Variants in FSTL5 observed in about 807,000 individuals in gnomAD.
The protein encoded by FSTL5 is follistatin-related protein 5.
In FSTL5, 62 loss-of-function variants were observed where a neutral mutation model predicts 89.1. The observed-to-expected ratio is 0.70, with a 90% confidence interval of 0.57 to 0.86. The LOEUF is 0.86. Ranked by LOEUF, FSTL5 falls within the 40% of genes least tolerant of loss-of-function variation. FSTL5 has a pLI of 0.00. For missense variants in FSTL5, 1,057 were observed against 1,001.6 expected (o/e 1.06, Z -0.75); for synonymous variants, 383 against 346.2 (o/e 1.11, Z -1.18).
In FSTL5 at chr4:161,529,464, A is replaced by G. The variant is rs904399703; in HGVS notation, c.1312+8702T>C. Among the ~76,000 whole-genome samples, 6 of 142,430 alleles carry G rather than the reference A, an allele frequency of 4.2e-5. 2 individuals are homozygous for G. The highest frequency in any genetic ancestry group is 1.0e-4 in the African/African-American group (4 of 39,998). The allele number at this position is 142,430 out of a possible 152,430, so 93.4% of individuals were successfully genotyped here. On this transcript the variant is annotated intron_variant, in intron 10 of 15. Transcript: ENST00000306100. The stretch of plus-strand genomic sequence containing the variant: ...ATAAAATAATAAATGCTTATCAAGC[A>G]TGGTTAACTTCGACATGACTCTTCA...
At chr4:161,528,878 A>G (rs1157049805) in intron 10 of FSTL5, among the ~76,000 whole-genome samples, 1 of 143,236 alleles carries the variant, frequency 7.0e-6, no homozygotes, top group African/African-American at 2.5e-5. Context: ...TTTTAAGTTC[A>G]ATAGAGACTG....
chr4:161,908,605 T>C (rs1041362794), intron 4 of FSTL5, among the ~76,000 whole-genome samples: 2 of 152,112 alleles, frequency 1.3e-5, no homozygotes, highest in Non-Finnish European at 2.9e-5. Flanking sequence ...ACCCTACAAA[T>C]ATCACATTGG....
At chr4:161,599,393 G>A (rs1040100886) in intron 7 of FSTL5, among the ~76,000 whole-genome samples, 1 of 152,002 alleles carries the variant, frequency 6.6e-6, no homozygotes, top group Non-Finnish European at 1.5e-5. Context: ...ACTCAAATAT[G>A]AGCATATTCT....
At chr4:161,896,821 A>C (rs2110774915) in intron 4 of FSTL5, among the ~76,000 whole-genome samples, 1 of 152,330 alleles carries the variant, frequency 6.6e-6, no homozygotes, top group South Asian at 2.1e-4. Context: ...CTACATTTTT[A>C]ATTCCCTTTT....
chr4:161,545,142 A>G (rs560276647), intron 8 of FSTL5, among the ~76,000 whole-genome samples: 62 of 152,112 alleles, frequency 4.1e-4, no homozygotes, highest in African/African-American at 1.2e-3. Context: ...TACAGAAAGC[A>G]TTTTCAGAAA....
At chr4:161,992,654 T>C (rs1448100976) in intron 3 of FSTL5, among the ~76,000 whole-genome samples, 2 of 150,830 alleles carry the variant, frequency 1.3e-5, no homozygotes, top group African/African-American at 2.4e-5. Flanking sequence ...ACCAGCCTAA[T>C]CAACATGGCG....
intron 2 of FSTL5, among the ~76,000 whole-genome samples, chr4:162,050,600 T>C (rs1178761246): frequency 6.6e-6 from 1 of 150,580 alleles, no homozygotes; most frequent in Non-Finnish European, 1.5e-5. Context: ...AAAAAGACTT[T>C]ATTAAAAAAA....
chr4:161,835,611 AAAAC>A (rs1475509719), intron 4 of FSTL5, among the ~76,000 whole-genome samples: 1 of 151,928 alleles, frequency 6.6e-6, no homozygotes, highest in Admixed American at 6.6e-5. Context: ...TTACAAGAAA[AAAAC>A]AAACAACCCC....
At chr4:162,116,747 G>A (rs148104152) in intron 1 of FSTL5, among the ~76,000 whole-genome samples, 207 of 152,268 alleles carry the variant, frequency 1.4e-3, no homozygotes, top group African/African-American at 4.7e-3. Flanking sequence ...AAAAGAGCCC[G>A]CGAGGCTTCA....
At chr4:161,866,282 A>G (rs1732085594) in intron 4 of FSTL5, among the ~76,000 whole-genome samples, 2 of 152,140 alleles carry the variant, frequency 1.3e-5, no homozygotes, top group Admixed American at 1.3e-4. Context: ...GTCTCTTCAG[A>G]AAAACTCTTT....
intron 1 of FSTL5, among the ~76,000 whole-genome samples, chr4:162,123,702 C>A (rs1453459283): frequency 6.6e-6 from 1 of 152,068 alleles, no homozygotes; most frequent in Non-Finnish European, 1.5e-5. Context: ...TCAATCATAG[C>A]CAGTGGTCAG....
chr4:161,538,451 C>A, intron 9 of FSTL5, 151 bp from the exon 10 acceptor site: 1 of 797,838 alleles, frequency 1.3e-6, no homozygotes, highest in Non-Finnish European at 2.0e-6. Context: ...CCAAATTATT[C>A]CAGAAGCATT....
chr4:162,024,566 AGCAG>A, intron 3 of FSTL5, among the ~76,000 whole-genome samples: 1 of 152,216 alleles, frequency 6.6e-6, no homozygotes, highest in Non-Finnish European at 1.5e-5. Context: ...TTCTAAATGT[AGCAG>A]TAGTTAACTA....
chr4:161,493,503 T>A (rs1158872289), intron 12 of FSTL5, among the ~76,000 whole-genome samples: 1 of 151,926 alleles, frequency 6.6e-6, no homozygotes, highest in Non-Finnish European at 1.5e-5. Context: ...AGATAGGTAC[T>A]TTTTTGTGTT....
At chr4:161,495,871 C>T (rs1730051533) in intron 12 of FSTL5, among the ~76,000 whole-genome samples, 2 of 152,070 alleles carry the variant, frequency 1.3e-5, no homozygotes, top group Non-Finnish European at 2.9e-5. Flanking sequence ...AATCTGTCTT[C>T]TAAAATGAAA....
chr4:161,653,305 C>T (rs1006589276), intron 7 of FSTL5, among the ~76,000 whole-genome samples: 6 of 152,178 alleles, frequency 3.9e-5, no homozygotes, highest in Admixed American at 1.3e-4. Context: ...CTTTTGTCAC[C>T]GTTGTCTTTG....
At chr4:161,775,779 C>T (rs917050585) in intron 5 of FSTL5, 99 bp downstream of exon 5, 13 of 603,100 alleles carry the variant, frequency 2.2e-5, no homozygotes, top group Non-Finnish European at 3.0e-5. Flanking sequence ...TAATATGGAT[C>T]AAATATACAT....
At chr4:161,853,429 A>T (rs1731622908) in intron 4 of FSTL5, among the ~76,000 whole-genome samples, 2 of 151,990 alleles carry the variant, frequency 1.3e-5, no homozygotes. Flanking sequence ...CACTACACCC[A>T]GCTAATTTTT....
At chr4:162,147,022 T>C (rs1455587951) in intron 1 of FSTL5, among the ~76,000 whole-genome samples, 2 of 152,000 alleles carry the variant, frequency 1.3e-5, no homozygotes, top group Non-Finnish European at 2.9e-5. Context: ...CCTCAAGTGA[T>C]CTGCCCCCCT....
Sources: gnomAD v4.1 joint callset for allele counts (sites outside exome capture counted in the v4.1 genomes callset) on GRCh38, gnomAD v4.1.1 for gene constraint, MANE v1.5 for transcripts, NCBI Gene and HGNC (gene_info 2026-07-23, HGNC 2026-07-21) for gene names.